The following TRIQK variants were observed in gnomAD, a reference collection of about 807,000 sequenced individuals.
TRIQK encodes triple QxxK/R motif containing.
TRIQK carries 10 observed loss-of-function variants against 10.8 expected under a neutral mutation model. The ratio of observed to expected loss-of-function variants is 0.92; its 90% CI spans 0.57 to 1.57. The LOEUF (loss-of-function observed/expected upper bound fraction) is 1.57. Ranked by LOEUF, TRIQK falls within the 40% of genes most tolerant of loss-of-function variation. The pLI is 0.00. For synonymous variants in TRIQK, 33 were observed against 33.7 expected (o/e 0.98, Z 0.07); for missense variants, 107 against 97.7 (o/e 1.09, Z -0.40).
At chr8:92,912,362 G>T in intron 3 of TRIQK, among the ~76,000 whole-genome samples, 1 of 151,776 alleles carries the variant, frequency 6.6e-6, no homozygotes, top group Admixed American at 6.6e-5. Flanking sequence ...ATAAGAAAAT[G>T]TTTTGAAAGG....
chr8:93,000,882 T>TAAA (rs60359673), intron 1 of TRIQK, among the ~76,000 whole-genome samples: 17,678 of 121,626 alleles, frequency 0.15, 1,200 homozygotes, highest in East Asian at 0.19. Context: ...CACAAAGGAT[T>TAAA]AAAAAAAAAA....
chr8:92,962,469 T>C (rs959116319), intron 1 of TRIQK, among the ~76,000 whole-genome samples: 1 of 152,186 alleles, frequency 6.6e-6, no homozygotes, highest in Admixed American at 6.5e-5. Flanking sequence ...AGCTGATAGA[T>C]CTCTACATTA....
At position 92,929,560 on chromosome 8, in the gene TRIQK, T is replaced by C. The variant is rs902649001; in HGVS notation, c.-21-12550A>G. On this transcript the variant is annotated intron_variant, in intron 2 of 4. Coordinates refer to ENST00000521988, the MANE Select transcript of TRIQK (RefSeq NM_001171797.2). ...ACATGACACACTTGAAAACAACACA[T>C]TAAATTTATACTGCCTGGAATAGAC... is the stretch of plus-strand genomic sequence containing the variant. 4 of 152,128 alleles carry C rather than the reference T, an allele frequency of 2.6e-5. No individual in the cohort carries two copies. The East Asian group carries it at 7.7e-4, about 29-fold the overall frequency. 9.4% of individuals were successfully genotyped at this position (152,128 alleles called of 1,614,324 possible). A position where few individuals can be genotyped will look rare whatever the true frequency, so the allele number is the denominator to read the frequency against.
intron 1 of TRIQK, among the ~76,000 whole-genome samples, chr8:93,013,093 T>C (rs531711236): frequency 4.6e-5 from 7 of 152,178 alleles, no homozygotes; most frequent in Non-Finnish European, 7.3e-5. Context: ...GGATTACTCA[T>C]GGTATACAAT....
chr8:93,016,330 G>C (rs1586532960), intron 1 of TRIQK, among the ~76,000 whole-genome samples: 1 of 152,134 alleles, frequency 6.6e-6, no homozygotes, highest in East Asian at 1.9e-4. Context: ...ATTATCTTTA[G>C]GTTTTAAAAT....
intron 1 of TRIQK, among the ~76,000 whole-genome samples, chr8:93,016,136 G>T (rs776901362): frequency 5.3e-5 from 8 of 151,996 alleles, no homozygotes; most frequent in Non-Finnish European, 1.2e-4. Context: ...CTTCAGTAAG[G>T]ACTCACATTA....
intron 2 of TRIQK, among the ~76,000 whole-genome samples, chr8:92,923,440 T>C (rs1234998705): frequency 6.6e-6 from 1 of 151,908 alleles, no homozygotes; most frequent in Non-Finnish European, 1.5e-5. Context: ...TCTCATCACC[T>C]TCTTTTGTAA....
rs1029150902 is a variant in TRIQK, at chr8:92,972,342, C to T, written c.-180-17778G>A. On this transcript the variant is annotated intron_variant, in intron 1 of 4. Transcript: ENST00000520686. ...TTTTTACCTTTCTCCTCCATTTATA[C>T]TTTCCTTTTTTTATTTGCTTTAGTC... 2.0e-5 allele frequency among the ~76,000 whole-genome samples: 3 copies of T among 151,862 alleles called. No homozygotes were observed. In the East Asian group the frequency reaches 5.8e-4, roughly 29 times the overall value.
At chr8:92,971,715 A>G (rs558082948) in intron 1 of TRIQK, among the ~76,000 whole-genome samples, 39 of 152,336 alleles carry the variant, frequency 2.6e-4, no homozygotes, top group Admixed American at 1.2e-3. Context: ...GAAAATGGCC[A>G]TATTGCCCAA....
intron 1 of TRIQK, among the ~76,000 whole-genome samples, chr8:92,987,006 G>C (rs1813039852): frequency 6.6e-6 from 1 of 152,054 alleles, no homozygotes; most frequent in Non-Finnish European, 1.5e-5. Flanking sequence ...TTTCCTAATA[G>C]GAATAAATGA....
intron 1 of TRIQK, among the ~76,000 whole-genome samples, chr8:92,977,034 G>GA (rs1812940400): frequency 6.6e-6 from 1 of 151,786 alleles, no homozygotes; most frequent in Non-Finnish European, 1.5e-5. Flanking sequence ...TTTAAAATGT[G>GA]AAAAAATGTA....
intron 2 of TRIQK, among the ~76,000 whole-genome samples, chr8:92,932,779 G>A (rs1423308697): frequency 6.6e-6 from 1 of 151,852 alleles, no homozygotes; most frequent in Non-Finnish European, 1.5e-5. Flanking sequence ...TGTACTCATA[G>A]ATATTTTTAT....
chr8:92,957,559 G>A (rs1306188432), intron 1 of TRIQK, among the ~76,000 whole-genome samples: 1 of 151,842 alleles, frequency 6.6e-6, no homozygotes, highest in Non-Finnish European at 1.5e-5. Context: ...TTTAGTAGAA[G>A]AAATGCAAAG....
At chr8:92,974,334 A>G (rs978300105) in intron 1 of TRIQK, 1 of 152,210 alleles carries the variant, frequency 6.6e-6, no homozygotes, top group Admixed American at 6.5e-5. Context: ...ACCTTATCCA[A>G]CAGCTCCCAC....
chr8:92,948,733 T>C (rs2130648297), intron 2 of TRIQK, among the ~76,000 whole-genome samples: 1 of 152,334 alleles, frequency 6.6e-6, no homozygotes, highest in Admixed American at 6.5e-5. Flanking sequence ...CATTTTTGAG[T>C]AACTATTCTC....
At chr8:92,890,622 TATAA>T (rs1346763917) in intron 4 of TRIQK, among the ~76,000 whole-genome samples, 1 of 151,802 alleles carries the variant, frequency 6.6e-6, no homozygotes, top group Non-Finnish European at 1.5e-5. Context: ...AAAACTGGTA[TATAA>T]ATAAATAAAT....
chr8:92,893,643 A>C (rs1254032731), intron 3 of TRIQK, among the ~76,000 whole-genome samples: 3 of 152,044 alleles, frequency 2.0e-5, no homozygotes, highest in Non-Finnish European at 4.4e-5. Context: ...ACATCTCTAC[A>C]GTCAAACTAT....
intron 1 of TRIQK, among the ~76,000 whole-genome samples, chr8:92,993,892 A>G (rs1813123278): frequency 6.6e-6 from 1 of 152,106 alleles, no homozygotes; most frequent in African/African-American, 2.4e-5. Flanking sequence ...TCCTTATTCG[A>G]GTAAGAGATA....
chr8:92,910,020 T>C (rs1809489486), intron 3 of TRIQK, among the ~76,000 whole-genome samples: 1 of 151,548 alleles, frequency 6.6e-6, no homozygotes, highest in Non-Finnish European at 1.5e-5. Context: ...AATACTCAAA[T>C]TAATGTAAAC....
Sources: allele counts gnomAD v4.1 joint callset (sites outside exome capture counted in the v4.1 genomes callset), GRCh38; gene constraint gnomAD v4.1.1; transcripts MANE v1.5; gene names NCBI Gene and HGNC (gene_info 2026-07-23, HGNC 2026-07-21).